EYS: variants seen among roughly 807,000 people sequenced by gnomAD.
EYS encodes the protein protein eyes shut homolog.
Under a neutral mutation model 282.1 loss-of-function variants are expected in EYS, and 250 were observed. The ratio of observed to expected loss-of-function variants is 0.89; its 90% CI spans 0.80 to 0.98. EYS has a LOEUF of 0.98. Ranked by LOEUF, EYS falls within the 50% of genes least tolerant of loss-of-function variation. The probability of loss-of-function intolerance (pLI) is 0.00; values close to 1 mark genes in which losing one functional copy is unlikely to be tolerated. For missense variants in EYS, 4,016 were observed against 3,709.0 expected, an observed-to-expected ratio of 1.08 and a Z score of -2.15; for synonymous variants, 1,355 against 1,282.9, an observed-to-expected ratio of 1.06 and a Z score of -1.20.
chr6:64,714,426 G>C (rs960184229), intron 22 of EYS, among the ~76,000 whole-genome samples: 5 of 151,758 alleles, frequency 3.3e-5, no homozygotes, highest in Non-Finnish European at 7.4e-5. Flanking sequence ...ACTGTCAACA[G>C]ACAAGTTTTT....
chr6:64,755,010 T>C (rs1772887865), intron 22 of EYS, among the ~76,000 whole-genome samples: 1 of 152,240 alleles, frequency 6.6e-6, no homozygotes, highest in African/African-American at 2.4e-5. Flanking sequence ...TTAGCTCTGT[T>C]TACTGACAGT....
chr6:65,235,666 A>AT (rs1766903921), intron 12 of EYS, among the ~76,000 whole-genome samples: 1 of 152,298 alleles, frequency 6.6e-6, no homozygotes, highest in East Asian at 1.9e-4. Flanking sequence ...ATATTTTAAG[A>AT]TGGCAAAATT....
rs750477486 is a variant in EYS, at chr6:64,439,301, A to T, written c.5696T>A (p.Val1899Glu). 2.6e-6 allele frequency: 4 copies of T among 1,519,948 alleles called. No homozygotes were observed. In the South Asian group the frequency reaches 5.2e-5, roughly 20 times the overall value. 94.2% of individuals were successfully genotyped at this position (1,519,948 alleles called of 1,614,324 possible). The change falls in exon 27 of 43, where the codon GTG (valine) becomes GAG (glutamate). Residue 1899 changes from valine to glutamate, a missense_variant. Physicochemically the swap from Val to Glu is moderately radical, Grantham distance 121. Coordinates refer to ENST00000503581, the MANE Select transcript of EYS (RefSeq NM_001142800.2). ...YGDSYLEFQN[V>E]ALNPQNNISL... ...GATGTTATTTTGTGGATTTAAAGCC[A>T]CATTCTGAAATTCTAGATAAGAATC...
intron 23 of EYS, among the ~76,000 whole-genome samples, chr6:64,620,765 G>A (rs1016360833): frequency 4.6e-5 from 7 of 152,052 alleles, no homozygotes; most frequent in Non-Finnish European, 8.8e-5. Context: ...TAGGTTTTAT[G>A]TTCATTCTTA....
intron 19 of EYS, among the ~76,000 whole-genome samples, chr6:64,865,629 A>C (rs1766402167): frequency 6.6e-6 from 1 of 152,168 alleles, no homozygotes; most frequent in African/African-American, 2.4e-5. Context: ...ACAGCAGGAA[A>C]ATCACTGAAG....
At chr6:65,425,259 T>C (rs1441826617) in intron 5 of EYS, among the ~76,000 whole-genome samples, 1 of 152,122 alleles carries the variant, frequency 6.6e-6, no homozygotes, top group Non-Finnish European at 1.5e-5. Context: ...AGATGTGTTC[T>C]CCATGATCAT....
At chr6:65,187,748 G>A (rs1765547322) in intron 12 of EYS, among the ~76,000 whole-genome samples, 1 of 151,636 alleles carries the variant, frequency 6.6e-6, no homozygotes, top group Non-Finnish European at 1.5e-5. Context: ...TATTGAGAAA[G>A]CGTTTCATTC....
chr6:65,331,506 T>C, intron 11 of EYS: 1 of 943,136 alleles, frequency 1.1e-6, no homozygotes. Flanking sequence ...CTGCAACATT[T>C]GTTGGGCTCC....
chr6:65,301,685 C>T (rs1331585532), intron 11 of EYS, among the ~76,000 whole-genome samples: 1 of 152,260 alleles, frequency 6.6e-6, no homozygotes, highest in Admixed American at 6.5e-5. Context: ...TCATTACACT[C>T]CCACCCCTGG....
chr6:64,526,613 G>A (rs1777928493), intron 26 of EYS, among the ~76,000 whole-genome samples: 3 of 151,514 alleles, frequency 2.0e-5, no homozygotes, highest in Admixed American at 2.0e-4. Context: ...TTTAAATTTT[G>A]TTTTCTGAAT....
chr6:65,467,315 G>C (rs759893738), intron 5 of EYS, among the ~76,000 whole-genome samples: 15 of 152,132 alleles, frequency 9.9e-5, no homozygotes, highest in Non-Finnish European at 1.3e-4. Flanking sequence ...GGATTATCTA[G>C]CAAGTAAATG....
chr6:65,427,042 G>A (rs1405920452), intron 5 of EYS, among the ~76,000 whole-genome samples: 1 of 151,910 alleles, frequency 6.6e-6, no homozygotes, highest in Non-Finnish European at 1.5e-5. Context: ...ATTTCCCATA[G>A]CGAAGCCATA....
chr6:63,869,669 C>A (rs1251579404), intron 35 of EYS, among the ~76,000 whole-genome samples: 1 of 152,092 alleles, frequency 6.6e-6, no homozygotes, highest in Non-Finnish European at 1.5e-5. Context: ...CAGCACAGTA[C>A]TTGGCATTGA....
chr6:64,340,789 T>G (rs1561939500), intron 29 of EYS, among the ~76,000 whole-genome samples: 1 of 151,692 alleles, frequency 6.6e-6, no homozygotes, highest in Non-Finnish European at 1.5e-5. Flanking sequence ...GCCTACAGAA[T>G]GGGAGAAAAT....
intron 22 of EYS, among the ~76,000 whole-genome samples, chr6:64,767,574 T>C (rs1260782534): frequency 6.6e-6 from 1 of 152,158 alleles, no homozygotes; most frequent in Non-Finnish European, 1.5e-5. Flanking sequence ...CTTAACATAA[T>C]GTCCTCCAGT....
At chr6:64,183,405 G>A (rs756267619) in intron 31 of EYS, among the ~76,000 whole-genome samples, 7 of 152,158 alleles carry the variant, frequency 4.6e-5, no homozygotes, top group Non-Finnish European at 8.8e-5. Flanking sequence ...ATTCTGTAAG[G>A]TGAGGACTTT....
At chr6:65,664,837 T>C (rs1768144792) in intron 1 of EYS, among the ~76,000 whole-genome samples, 1 of 152,156 alleles carries the variant, frequency 6.6e-6, no homozygotes, top group Non-Finnish European at 1.5e-5. Flanking sequence ...GATCACCATA[T>C]TTACTAGGCA....
intron 15 of EYS, among the ~76,000 whole-genome samples, chr6:64,915,507 G>T (rs920643236): frequency 1.3e-5 from 2 of 152,042 alleles, no homozygotes; most frequent in Admixed American, 6.6e-5. Context: ...TCAGAGAATT[G>T]TTGTAAAGAT....
chr6:65,321,147 T>A (rs1377308780), intron 11 of EYS, among the ~76,000 whole-genome samples: 1 of 73,358 alleles, frequency 1.4e-5, no homozygotes, highest in Non-Finnish European at 3.4e-5. Context: ...TATGAAAGCC[T>A]TTTTTTTTTT....
Sources: allele counts gnomAD v4.1 joint callset (sites outside exome capture counted in the v4.1 genomes callset), GRCh38; gene constraint gnomAD v4.1.1; transcripts MANE v1.5; gene names NCBI Gene and HGNC (gene_info 2026-07-23, HGNC 2026-07-21).